Variants in ZNF470 observed in about 807,000 individuals in gnomAD.
ZNF470 encodes the protein zinc finger protein 470.
ZNF470 carries 13 observed loss-of-function variants against 13.9 expected under a neutral mutation model. The ratio of observed to expected loss-of-function variants is 0.94; its 90% CI spans 0.61 to 1.49. The LOEUF is 1.49. Ranked by LOEUF, ZNF470 falls within the 40% of genes most tolerant of loss-of-function variation. The pLI is 0.00. For synonymous variants in ZNF470, 293 were observed against 282.9 expected (o/e 1.04, Z -0.36); for missense variants, 929 against 857.3 (o/e 1.08, Z -1.04).
In ZNF470 at chr19:56,582,045, G is replaced by A. The variant is rs905160631; in HGVS notation, c.*3462G>A. ...GAAACAATCATACAGAATTTGGTAC[G>A]AAGATTGGGTAATGGGCATTAGAAT... is the stretch of plus-strand genomic sequence containing the variant. On this transcript the variant is annotated 3_prime_UTR_variant, in exon 6 of 6. Coordinates refer to ENST00000330619, the MANE Select transcript of ZNF470 (RefSeq NM_001001668.4). The A allele has an allele frequency of 6.1e-6, 6 of 985,248 alleles. No individual in the cohort carries two copies. The highest frequency in any genetic ancestry group is 5.2e-5 in the African/African-American group (3 of 57,208). The allele number at this position is 985,248 out of a possible 1,614,324, so 61.0% of individuals were successfully genotyped here.
chr19:56,571,614 C>CTT (rs58632547), intron 3 of ZNF470, among the ~76,000 whole-genome samples: 7 of 142,836 alleles, frequency 4.9e-5, no homozygotes, highest in South Asian at 2.3e-4. Context: ...TGTTTTTTGT[C>CTT]TTTTTTTTTT....
chr19:56,578,211 A>C lies in ZNF470; in HGVS notation c.1782A>C (p.Glu594Asp). ...QRLHSGKRPY[E>D]CLECGKAFRQ... ...TCCACAGTGGCAAAAGACCGTATGA[A>C]TGTCTTGAATGTGGGAAGGCATTCA... Residue 594 changes from glutamate to aspartate, a missense_variant, in exon 6 of 6, where the codon GAA (glutamate) becomes GAC (aspartate). Physicochemically the swap from Glu to Asp is conservative, Grantham distance 45. Coordinates refer to ENST00000330619, the MANE Select transcript of ZNF470 (RefSeq NM_001001668.4). The C allele has an allele frequency of 6.2e-7, 1 of 1,614,054 alleles. No individual in the cohort carries two copies. Among genetic ancestry groups the C allele is most frequent in the Non-Finnish European group, 8.5e-7 (1 of 1,179,974 alleles).
In ZNF470 at chr19:56,580,177, A is replaced by G. The variant is rs1417154563; in HGVS notation, c.*1594A>G. ...CATGTTGGTATTAGAGGATGAGGGAAGAACTAGAGGTAACTGTGAGACACA... is the reference window on the plus strand; with the variant it reads ...CATGTTGGTATTAGAGGATGAGGGAGGAACTAGAGGTAACTGTGAGACACA... On this transcript the variant is annotated 3_prime_UTR_variant, in exon 6 of 6. Transcript: ENST00000330619. 11 of 973,590 alleles carry G rather than the reference A, an allele frequency of 1.1e-5. No individual in the cohort carries two copies. The highest frequency in any genetic ancestry group is 1.3e-5 in the Non-Finnish European group (11 of 827,144). The allele number at this position is 973,590 out of a possible 1,614,324, so 60.3% of individuals were successfully genotyped here. A position where few individuals can be genotyped will look rare whatever the true frequency, so the allele number is the denominator to read the frequency against.
In ZNF470 at chr19:56,578,334, C is replaced by T; in HGVS notation, c.1905C>T (p.Ser635=). Residue 635 remains serine (S), a synonymous_variant, in exon 6 of 6, where the codon TCC becomes TCT. Coordinates refer to ENST00000330619, the MANE Select transcript of ZNF470 (RefSeq NM_001001668.4). Reference sequence around the variant, plus strand: ...GGAAAGCCTTTAGCCATCGTAAATCCCTTACTCTGCATCAGAGAATTCATA... The same window carrying T: ...GGAAAGCCTTTAGCCATCGTAAATCTCTTACTCTGCATCAGAGAATTCATA... The part of the protein sequence containing the change: ...VCGKAFSHRK[S]LTLHQRIHTG... 1 of 1,611,586 alleles carries T rather than the reference C, an allele frequency of 6.2e-7. No individual in the cohort carries two copies. The highest frequency in any genetic ancestry group is 8.5e-7 in the Non-Finnish European group (1 of 1,178,864).
chr19:56,579,282 C>G lies in ZNF470; in HGVS notation c.*699C>G. On this transcript the variant is annotated 3_prime_UTR_variant, in exon 6 of 6. Coordinates refer to ENST00000330619, the MANE Select transcript of ZNF470 (RefSeq NM_001001668.4). The stretch of plus-strand genomic sequence containing the variant: ...ACAAAAAATACAGAAATTAGCCAGG[C>G]GTGGTGGTGCACACCTGTAGTCCTA... 2 of 577,412 alleles carry G rather than the reference C, an allele frequency of 3.5e-6. No individual in the cohort carries two copies. Among genetic ancestry groups the G allele is most frequent in the Non-Finnish European group, 4.4e-6 (2 of 458,052 alleles). 35.8% of individuals were successfully genotyped at this position (577,412 alleles called of 1,614,324 possible). A position where few individuals can be genotyped will look rare whatever the true frequency, so the allele number is the denominator to read the frequency against.
chr19:56,567,482 C>T lies in ZNF470; in HGVS notation c.-715C>T. On this transcript the variant is annotated 5_prime_UTR_variant, in exon 1 of 6. Coordinates refer to ENST00000330619, the MANE Select transcript of ZNF470 (RefSeq NM_001001668.4). Reference sequence around the variant, plus strand: ...AGGACACGCCCACTTCCGGAAAGGACCCAAAGCCGGGCGAGTGCACGTCCC... The same window carrying T: ...AGGACACGCCCACTTCCGGAAAGGATCCAAAGCCGGGCGAGTGCACGTCCC... The T allele has an allele frequency of 1.0e-6, 1 of 985,940 alleles. No individual in the cohort carries two copies. The highest frequency in any genetic ancestry group is 4.7e-5 in the South Asian group (1 of 21,318). The allele number at this position is 985,940 out of a possible 1,614,324, so 61.1% of individuals were successfully genotyped here.
Position 56,578,149 on chromosome 19 carries a change from T to G in ZNF470, c.1720T>G (p.Phe574Val). Residue 574 changes from phenylalanine to valine, a missense_variant, in exon 6 of 6, where the codon TTT (phenylalanine) becomes GTT (valine). Phe to Val is a conservative substitution (Grantham distance 50). Transcript: ENST00000330619. ...PYECIECGKAFSDGSYLVQHQ... is the reference protein window; with the variant it reads ...PYECIECGKAVSDGSYLVQHQ... ...CGAATGTATTGAATGTGGGAAGGCC[T>G]TTAGTGATGGCTCATATCTTGTTCA... 1 of 1,614,114 alleles carries G rather than the reference T, an allele frequency of 6.2e-7. No homozygotes were observed. Among genetic ancestry groups the G allele is most frequent in the Non-Finnish European group, 8.5e-7 (1 of 1,179,998 alleles).
Position 56,577,007 on chromosome 19 carries a change from T to G in ZNF470, c.578T>G (p.Phe193Cys). The G allele has an allele frequency of 6.3e-7, 1 of 1,585,060 alleles. No individual in the cohort carries two copies. The change falls in exon 6 of 6, where the codon TTT (phenylalanine) becomes TGT (cysteine). Residue 193 changes from phenylalanine (F) to cysteine (C), a missense_variant. Physicochemically the swap from Phe to Cys is radical, Grantham distance 205. Coordinates refer to ENST00000330619, the MANE Select transcript of ZNF470 (RefSeq NM_001001668.4). ...ACATTATCTTATATAAAACAGATTT[T>G]TCCCATGGAAGAGAGAATATTTAAT... is the stretch of plus-strand genomic sequence containing the variant. ...LNTLSYIKQI[F>C]PMEERIFNFH...
rs141772967 is a variant in ZNF470, at chr19:56,578,167, C to T, written c.1738C>T (p.Leu580Phe). 34 of 1,614,040 alleles carry T rather than the reference C, an allele frequency of 2.1e-5. No individual in the cohort carries two copies. The highest frequency in any genetic ancestry group is 2.8e-5 in the Non-Finnish European group (33 of 1,179,988). ...CGKAFSDGSY[L>F]VQHQRLHSGK... ...GAAGGCCTTTAGTGATGGCTCATATCTTGTTCAACATCAGAGACTCCACAG... is the reference window on the plus strand; with the variant it reads ...GAAGGCCTTTAGTGATGGCTCATATTTTGTTCAACATCAGAGACTCCACAG... The change falls in exon 6 of 6, where the codon CTT becomes TTT. Residue 580 changes from leucine to phenylalanine, a missense_variant. Physicochemically the swap from Leu to Phe is conservative, Grantham distance 22 (BLOSUM62 0). Coordinates refer to ENST00000330619, the MANE Select transcript of ZNF470 (RefSeq NM_001001668.4).
rs770847073 is a variant in ZNF470 at position 56,578,227 on chromosome 19, A to G, written c.1798A>G (p.Lys600Glu). Reference sequence around the variant, plus strand: ...ACCGTATGAATGTCTTGAATGTGGGAAGGCATTCAGGCAGAGGGCATCCTT... The same window carrying G: ...ACCGTATGAATGTCTTGAATGTGGGGAGGCATTCAGGCAGAGGGCATCCTT... ...KRPYECLECG[K>E]AFRQRASLIC... The change falls in exon 6 of 6, where the codon AAG becomes GAG. Residue 600 changes from lysine to glutamate, a missense_variant. By Grantham distance (56) the Lys-to-Glu change is moderately conservative. Transcript: ENST00000330619. The G allele has an allele frequency of 6.2e-7, 1 of 1,614,022 alleles. No individual in the cohort carries two copies. Among genetic ancestry groups the G allele is most frequent in the Admixed American group, 1.7e-5 (1 of 59,996 alleles).
chr19:56,571,411 A>G (rs1468124751), intron 3 of ZNF470, among the ~76,000 whole-genome samples: 1 of 152,082 alleles, frequency 6.6e-6, no homozygotes, highest in Non-Finnish European at 1.5e-5. Flanking sequence ...AACTGACCCT[A>G]CCCTAGAACA....
chr19:56,578,342 T>G lies in ZNF470; in HGVS notation c.1913T>G (p.Leu638Arg), dbSNP rs781157093. 1.9e-6 allele frequency: 3 copies of G among 1,612,048 alleles called. No homozygotes were observed. The highest frequency in any genetic ancestry group is 1.1e-5 in the South Asian group (1 of 90,872). ...TTTAGCCATCGTAAATCCCTTACTC[T>G]GCATCAGAGAATTCATACAGGAGAG... ...KAFSHRKSLT[L>R]HQRIHTGEKP... Residue 638 changes from leucine to arginine, a missense_variant, in exon 6 of 6, where the codon CTG (leucine) becomes CGG (arginine). Leu to Arg is a moderately radical substitution (Grantham distance 102). Transcript: ENST00000330619.
chr19:56,567,506 C>G lies in ZNF470; in HGVS notation c.-691C>G. 1.0e-6 allele frequency: 1 copy of G among 986,022 alleles called. No individual in the cohort carries two copies. The highest frequency in any genetic ancestry group is 1.2e-6 in the Non-Finnish European group (1 of 830,390). 61.1% of individuals were successfully genotyped at this position (986,022 alleles called of 1,614,324 possible). On this transcript the variant is annotated 5_prime_UTR_variant, in exon 1 of 6. Transcript: ENST00000330619. ...ACCCAAAGCCGGGCGAGTGCACGTC[C>G]CGCCGGTTGCTGAGGAGAAGGGAGG...
chr19:56,574,678 G>A lies in ZNF470; in HGVS notation c.228G>A (p.Glu76=), dbSNP rs778903680. ...AACCAGATGTGATCTCCTTACTGGA[G>A]CAAGAGAAAGACCCTTGGGTGATAA... ...ISKPDVISLL[E]QEKDPWVIKG... is the part of the protein sequence containing the mutation. Residue 76 remains glutamate, a synonymous_variant, in exon 5 of 6, where the codon GAG becomes GAA. Coordinates refer to ENST00000330619, the MANE Select transcript of ZNF470 (RefSeq NM_001001668.4). The A allele has an allele frequency of 9.3e-6, 15 of 1,613,714 alleles. No homozygotes were observed. Among genetic ancestry groups the A allele is most frequent in the Middle Eastern group, 3.3e-4 (2 of 6,080 alleles).
At position 56,576,776 on chromosome 19, in the gene ZNF470, T is replaced by C; in HGVS notation, c.347T>C (p.Leu116Ser). Residue 116 changes from leucine (L) to serine (S), a missense_variant, in exon 6 of 6, where the codon TTA becomes TCA. Coordinates refer to ENST00000330619, the MANE Select transcript of ZNF470 (RefSeq NM_001001668.4). ...AACCAGGATATTTATGAAGAAAAATTACCCCCGGCAATCATAATGGAAAGA... is the reference window on the plus strand; with the variant it reads ...AACCAGGATATTTATGAAGAAAAATCACCCCCGGCAATCATAATGGAAAGA... ...SLNQDIYEEK[L>S]PPAIIMERLK... The C allele has an allele frequency of 3.9e-6, 6 of 1,538,348 alleles. No individual in the cohort carries two copies. Among genetic ancestry groups the C allele is most frequent in the Non-Finnish European group, 5.2e-6 (6 of 1,148,210 alleles).
At position 56,579,688 on chromosome 19, in the gene ZNF470, T is replaced by C; in HGVS notation, c.*1105T>C. On this transcript the variant is annotated 3_prime_UTR_variant, in exon 6 of 6. Transcript: ENST00000330619. ...AGACATGCCAAAACATAAAAATATG[T>C]ACACTGCAATTAGTTTCTGAATGTA... 1 of 985,280 alleles carries C rather than the reference T, an allele frequency of 1.0e-6. No homozygotes were observed. Among genetic ancestry groups the C allele is most frequent in the Non-Finnish European group, 1.2e-6 (1 of 829,770 alleles). The allele number at this position is 985,280 out of a possible 1,614,324, so 61.0% of individuals were successfully genotyped here. A position where few individuals can be genotyped will look rare whatever the true frequency, so the allele number is the denominator to read the frequency against.
At chr19:56,571,215 C>G (rs1267693759) in intron 3 of ZNF470, among the ~76,000 whole-genome samples, 1 of 152,232 alleles carries the variant, frequency 6.6e-6, no homozygotes, top group Non-Finnish European at 1.5e-5. Flanking sequence ...TTTCTTCTTT[C>G]TAGGTTGAAT....
chr19:56,582,653 A>G lies in ZNF470; in HGVS notation c.*4070A>G. 1 of 857,096 alleles carries G rather than the reference A, an allele frequency of 1.2e-6. No individual in the cohort carries two copies. The highest frequency in any genetic ancestry group is 1.2e-4 in the East Asian group (1 of 8,246). 53.1% of individuals were successfully genotyped at this position (857,096 alleles called of 1,614,324 possible). A position where few individuals can be genotyped will look rare whatever the true frequency, so the allele number is the denominator to read the frequency against. ...TAAGGCCTTTAAGAAACTAAGGTTA[A>G]GTTAGGCCATAAGAGTGAGGCCCTA... On this transcript the variant is annotated 3_prime_UTR_variant, in exon 6 of 6. Transcript: ENST00000330619.
rs1214192633 is a variant in ZNF470, at chr19:56,576,930, T to C, written c.501T>C (p.Leu167=). The change falls in exon 6 of 6, where the codon CTT becomes CTC. Residue 167 remains leucine, a synonymous_variant. Transcript: ENST00000330619. ...RQETITHIDT[L]IEKRDHSNKS... ...AGACCATCACTCATATAGATACTCT[T>C]ATTGAAAAAAGAGATCACTCTAACA... The C allele has an allele frequency of 2.5e-6, 4 of 1,579,488 alleles. No homozygotes were observed. The highest frequency in any genetic ancestry group is 3.4e-6 in the Non-Finnish European group (4 of 1,168,540).
Sources: allele counts gnomAD v4.1 joint callset (sites outside exome capture counted in the v4.1 genomes callset), GRCh38; gene constraint gnomAD v4.1.1; transcripts MANE v1.5; gene names NCBI Gene and HGNC (gene_info 2026-07-23, HGNC 2026-07-21).